Variants in GPC6 observed in about 807,000 individuals in gnomAD.
GPC6 encodes the protein glypican-6.
In GPC6, 14 loss-of-function variants were observed where a neutral mutation model predicts 55.2. The observed-to-expected ratio is 0.25, with a 90% CI of 0.17 to 0.40. GPC6 has a LOEUF of 0.40. Among genes scored for constraint, GPC6 ranks in the 10% least tolerant of loss-of-function variants. The probability of loss-of-function intolerance (pLI) is 1.00; values close to 1 mark genes in which losing one functional copy is unlikely to be tolerated. For synonymous variants in GPC6, 278 were observed against 259.6 expected (o/e 1.07, Z -0.68); for missense variants, 641 against 708.5 (o/e 0.90, Z 1.08).
intron 2 of GPC6, among the ~76,000 whole-genome samples, chr13:93,796,945 G>A (rs9301909): frequency 0.23 from 26,106 of 115,504 alleles, 2,752 homozygotes; most frequent in African/African-American, 0.32. Context: ...AAATCAAAGC[G>A]TCTAACTTTT....
chr13:93,225,707 A>G (rs1205332017), upstream of GPC6, among the ~76,000 whole-genome samples: 1 of 152,166 alleles, frequency 6.6e-6, no homozygotes, highest in Non-Finnish European at 1.5e-5. Flanking sequence ...TTGTGATGAT[A>G]ATGACAAACT....
At chr13:93,400,642 A>C (rs2762105) in intron 1 of GPC6, among the ~76,000 whole-genome samples, 78,987 of 152,012 alleles carry the variant, frequency 0.52, 22,575 homozygotes, top group Non-Finnish European at 0.66. Context: ...ACTTGAGGGG[A>C]TGGATACCTA....
intron 6 of GPC6, among the ~76,000 whole-genome samples, chr13:94,311,358 G>A (rs1876235737): frequency 6.6e-6 from 1 of 152,074 alleles, no homozygotes; most frequent in African/African-American, 2.4e-5. Context: ...TAGTAGAGAC[G>A]GAGTTTCACC....
chr13:93,227,679 G>T lies in GPC6; in HGVS notation c.160+63G>T. The T allele has an allele frequency of 1.5e-6, 2 of 1,340,348 alleles. No individual in the cohort carries two copies. Among genetic ancestry groups the T allele is most frequent in the Non-Finnish European group, 2.1e-6 (2 of 972,864 alleles). The allele number at this position is 1,340,348 out of a possible 1,614,324, so 83.0% of individuals were successfully genotyped here. On this transcript the variant is annotated intron_variant, in intron 1 of 8. Coordinates refer to ENST00000377047, the MANE Select transcript of GPC6 (RefSeq NM_005708.5). The surrounding 1 kb of genome is among the most constrained non-coding windows in gnomAD (Gnocchi z 4.3). The stretch of plus-strand genomic sequence containing the variant: ...TCGGCTGCCGCACGTCCCACTGGCC[G>T]CCCGGCGTCCCCTTCCTTCCCCCTG...
chr13:94,037,668 A>G (rs1883386063), intron 4 of GPC6, among the ~76,000 whole-genome samples: 2 of 151,964 alleles, frequency 1.3e-5, no homozygotes, highest in African/African-American at 2.4e-5. Context: ...GTTCAAGGTC[A>G]TACAACTTGT....
chr13:94,270,964 A>ATTTTTTTTTTTTTTTTTTT (rs764819082), intron 4 of GPC6, among the ~76,000 whole-genome samples: 1 of 49,578 alleles, frequency 2.0e-5, no homozygotes, highest in African/African-American at 8.0e-5. Flanking sequence ...GAGAAGTATA[A>ATTTTTTTTTTTTTTTTTTT]TTTTTTTTTT....
chr13:93,932,297 C>T (rs985833101), intron 3 of GPC6, among the ~76,000 whole-genome samples: 3 of 151,864 alleles, frequency 2.0e-5, no homozygotes, highest in Non-Finnish European at 2.9e-5. Context: ...TAATTAGCAC[C>T]GATGGTAACA....
chr13:93,574,610 G>A (rs1306205295), intron 2 of GPC6, among the ~76,000 whole-genome samples: 1 of 152,110 alleles, frequency 6.6e-6, no homozygotes, highest in Non-Finnish European at 1.5e-5. Flanking sequence ...ACCATTTGAA[G>A]TGTATGATTT....
chr13:94,303,199 G>C (rs901597274), intron 5 of GPC6, among the ~76,000 whole-genome samples: 1 of 152,204 alleles, frequency 6.6e-6, no homozygotes, highest in African/African-American at 2.4e-5. Flanking sequence ...CAATGGGAGG[G>C]GACCCAAAGA....
chr13:93,573,008 G>A (rs1463393216), intron 2 of GPC6, among the ~76,000 whole-genome samples: 1 of 152,098 alleles, frequency 6.6e-6, no homozygotes, highest in Non-Finnish European at 1.5e-5. Context: ...AAGTGGTGAA[G>A]GAGGCAGGGG....
intron 2 of GPC6, among the ~76,000 whole-genome samples, chr13:93,743,508 G>A (rs1387254194): frequency 6.6e-6 from 1 of 151,636 alleles, no homozygotes; most frequent in Non-Finnish European, 1.5e-5. Context: ...TTTTACTGTG[G>A]CTCTTACAGT....
chr13:94,384,556 A>C (rs934368675), intron 7 of GPC6, among the ~76,000 whole-genome samples: 1 of 152,128 alleles, frequency 6.6e-6, no homozygotes, highest in Non-Finnish European at 1.5e-5. Flanking sequence ...TATTTTTTTA[A>C]AAAAAGGCCA....
intron 1 of GPC6, among the ~76,000 whole-genome samples, chr13:93,506,385 C>G (rs1453006076): frequency 6.6e-6 from 1 of 152,132 alleles, no homozygotes; most frequent in Non-Finnish European, 1.5e-5. Context: ...GTAAGAAAAA[C>G]TGAGAGTTCA....
chr13:93,274,343 C>A (rs185360663), intron 1 of GPC6, among the ~76,000 whole-genome samples: 1 of 151,976 alleles, frequency 6.6e-6, no homozygotes, highest in African/African-American at 2.4e-5. Context: ...TAGGTTCATT[C>A]GGAAAGTGAT....
At chr13:93,952,880 A>G (rs866330085) in intron 3 of GPC6, among the ~76,000 whole-genome samples, 14 of 142,770 alleles carry the variant, frequency 9.8e-5, no homozygotes, top group South Asian at 8.7e-4. Flanking sequence ...ATATACATAT[A>G]TATATGTGTG....
Position 93,940,090 on chromosome 13 carries a change from C to T in GPC6, c.712-87639C>T, listed in dbSNP as rs114789707. On this transcript the variant is annotated intron_variant, in intron 3 of 8. Coordinates refer to ENST00000377047, the MANE Select transcript of GPC6 (RefSeq NM_005708.5). ...AGCTCCCAAAGCACTTTATTTCAAC[C>T]TGTTTTGAACCTTATTTTCTACCTT... Among the ~76,000 whole-genome samples, 580 of 152,216 alleles carry T rather than the reference C, an allele frequency of 3.8e-3. 3 individuals carry two copies. Among genetic ancestry groups the T allele is most frequent in the African/African-American group, 0.013 (545 of 41,544 alleles).
At chr13:94,099,689 G>A (rs1460890300) in intron 4 of GPC6, among the ~76,000 whole-genome samples, 1 of 152,132 alleles carries the variant, frequency 6.6e-6, no homozygotes, top group Non-Finnish European at 1.5e-5. Context: ...TTGGAAGGCT[G>A]ATGGAAGATA....
At chr13:93,359,197 C>T (rs2139174914) in intron 1 of GPC6, among the ~76,000 whole-genome samples, 1 of 152,172 alleles carries the variant, frequency 6.6e-6, no homozygotes, top group East Asian at 1.9e-4. Context: ...AATTCCTTGG[C>T]TGAAGCAATC....
chr13:93,989,493 A>T (rs934659965), intron 3 of GPC6, among the ~76,000 whole-genome samples: 16 of 152,184 alleles, frequency 1.1e-4, no homozygotes, highest in African/African-American at 3.9e-4. Flanking sequence ...ATTCTCCAGC[A>T]CTAGCCTCAG....
Sources: gnomAD v4.1 joint callset for allele counts (sites outside exome capture counted in the v4.1 genomes callset) on GRCh38, gnomAD v4.1.1 for gene constraint, Gnocchi (gnomAD v3.1) non-coding constraint, MANE v1.5 for transcripts, NCBI Gene and HGNC (gene_info 2026-07-23, HGNC 2026-07-21) for gene names.